Variants in TECPR2 observed in about 807,000 individuals in gnomAD.
TECPR2 encodes the protein tectonin beta-propeller repeat containing 2.
In TECPR2, 65 loss-of-function variants were observed where a neutral mutation model predicts 138.1. The observed-to-expected ratio is 0.47, with a 90% confidence interval of 0.39 to 0.58. The LOEUF is 0.58. Ranked by LOEUF, TECPR2 falls within the 20% of genes least tolerant of loss-of-function variation. The pLI, the probability that TECPR2 is intolerant of heterozygous loss-of-function variation, is 0.00. For synonymous variants in TECPR2, 746 were observed against 749.8 expected (o/e 0.99, Z 0.08); for missense variants, 1,553 against 1,824.5 (o/e 0.85, Z 2.71).
Position 102,443,699 on chromosome 14 carries a change from C to T in TECPR2, c.2805C>T (p.Tyr935=). The change falls in exon 12 of 20, where the codon TAC becomes TAT. Residue 935 remains tyrosine (Y), a synonymous_variant. Coordinates refer to ENST00000359520, the MANE Select transcript of TECPR2 (RefSeq NM_014844.5). This position sits in a 1 kb window ranked among gnomAD's most constrained non-coding sequence, Gnocchi z 4.9. ...GAGCCGTAAAGGTGGACTGTCCCTACCCGCTGTCCCAGATCACAGCCCGGA... is the reference window on the plus strand; with the variant it reads ...GAGCCGTAAAGGTGGACTGTCCCTATCCGCTGTCCCAGATCACAGCCCGGA... The part of the protein sequence containing the change: ...CARAVKVDCP[Y]PLSQITARNN... 1 of 1,612,188 alleles carries T rather than the reference C, an allele frequency of 6.2e-7. No homozygotes were observed. Among genetic ancestry groups the T allele is most frequent in the African/African-American group, 1.3e-5 (1 of 74,980 alleles).
chr14:102,373,954 G>T (rs1444113151), intron 1 of TECPR2, among the ~76,000 whole-genome samples: 2 of 151,556 alleles, frequency 1.3e-5, no homozygotes, highest in South Asian at 2.1e-4. Flanking sequence ...GGTGGCACAC[G>T]CCTGTAGTCC....
At chr14:102,476,104 G>A (rs1034024206) in intron 17 of TECPR2, among the ~76,000 whole-genome samples, 1 of 151,540 alleles carries the variant, frequency 6.6e-6, no homozygotes, top group East Asian at 1.9e-4. Flanking sequence ...CTACTCAGGA[G>A]GCTGAGGCAG....
intron 16 of TECPR2, among the ~76,000 whole-genome samples, chr14:102,454,995 C>T (rs997955391): frequency 1.3e-5 from 2 of 152,222 alleles, no homozygotes; most frequent in African/African-American, 4.8e-5. Flanking sequence ...CTCCCAGCAC[C>T]GGCTAGCTGG....
At chr14:102,491,269 G>A (rs750732933) in intron 17 of TECPR2, among the ~76,000 whole-genome samples, 1 of 152,188 alleles carries the variant, frequency 6.6e-6, no homozygotes, top group Admixed American at 6.5e-5. Flanking sequence ...AAGCTAGAGT[G>A]CAATGGCACG....
At chr14:102,482,212 A>G (rs10141441) in intron 17 of TECPR2, among the ~76,000 whole-genome samples, 19,960 of 151,892 alleles carry the variant, frequency 0.13, 1,575 homozygotes, top group African/African-American at 0.23. Flanking sequence ...GTGCCACCAC[A>G]CCCAGCTAAT....
At chr14:102,496,183 G>A (rs778289045) in intron 17 of TECPR2, among the ~76,000 whole-genome samples, 3 of 152,254 alleles carry the variant, frequency 2.0e-5, no homozygotes, top group Non-Finnish European at 4.4e-5. Flanking sequence ...AAGACTGTGG[G>A]TTCCAGAAAA....
chr14:102,384,146 C>T (rs953548470), intron 2 of TECPR2, among the ~76,000 whole-genome samples: 25 of 150,678 alleles, frequency 1.7e-4, no homozygotes, highest in African/African-American at 4.9e-4. Context: ...CTCGAACTCC[C>T]GACCCCAGGT....
intron 17 of TECPR2, among the ~76,000 whole-genome samples, chr14:102,469,001 A>T (rs1890608668): frequency 6.6e-6 from 1 of 152,222 alleles, no homozygotes; most frequent in South Asian, 2.1e-4. Flanking sequence ...CTGATTACTT[A>T]GCTTTGTCGT....
At chr14:102,364,147 A>C (rs952913128) in intron 1 of TECPR2, among the ~76,000 whole-genome samples, 1 of 152,216 alleles carries the variant, frequency 6.6e-6, no homozygotes, top group African/African-American at 2.4e-5. Context: ...CTTGCAGCCA[A>C]GGTCTTGTAG....
At chr14:102,398,270 C>G (rs540069338) in intron 2 of TECPR2, among the ~76,000 whole-genome samples, 3 of 152,044 alleles carry the variant, frequency 2.0e-5, no homozygotes, top group South Asian at 2.1e-4. Context: ...ATGAAAGAAT[C>G]AGTGAATTTG....
intron 9 of TECPR2, 28 bp from the exon 10 acceptor site, chr14:102,437,994 C>T: frequency 6.2e-7 from 1 of 1,607,776 alleles, no homozygotes; most frequent in Non-Finnish European, 8.5e-7. Flanking sequence ...TCCTCTGCCA[C>T]AGAACTCACT....
At chr14:102,407,265 G>A (rs1888682817) in intron 2 of TECPR2, 73 bp from the exon 3 acceptor site, 21 of 1,512,166 alleles carry the variant, frequency 1.4e-5, no homozygotes, top group Admixed American at 2.2e-5. Flanking sequence ...CACTCCTTTA[G>A]TAATGTCCTC....
Position 102,497,044 on chromosome 14 carries a change from C to G in TECPR2, c.3855C>G (p.Asp1285Glu). Residue 1285 changes from aspartate (D) to glutamate (E), a missense_variant, in exon 18 of 20, where the codon GAC (aspartate) becomes GAG (glutamate). By Grantham distance (45) the Asp-to-Glu change is conservative. Transcript: ENST00000359520. The stretch of plus-strand genomic sequence containing the variant: ...ACGACCAGATGCTGTGGGTGCTTGA[C>G]AGCAGGTGGAACGTGCACGTGCGGA... ...SPNDQMLWVL[D>E]SRWNVHVRTG... 6.2e-7 allele frequency: 1 copy of G among 1,614,000 alleles called. No homozygotes were observed. Among genetic ancestry groups the G allele is most frequent in the Non-Finnish European group, 8.5e-7 (1 of 1,180,038 alleles).
intron 17 of TECPR2, among the ~76,000 whole-genome samples, chr14:102,487,225 T>C (rs1421737892): frequency 2.6e-5 from 4 of 152,230 alleles, no homozygotes. Context: ...GAGGCGTCTT[T>C]CCTGGGGCAT....
chr14:102,432,673 C>T (rs887947906), intron 8 of TECPR2, among the ~76,000 whole-genome samples: 15 of 151,570 alleles, frequency 9.9e-5, no homozygotes, highest in African/African-American at 3.1e-4. Context: ...GGGATTACAG[C>T]GTGAGCCACC....
chr14:102,498,399 C>G lies in TECPR2; in HGVS notation c.*142C>G. On this transcript the variant is annotated 3_prime_UTR_variant, in exon 20 of 20. Transcript: ENST00000359520. Reference sequence around the variant, plus strand: ...GTTGGACCCGCACACTTACTTTCATCTATGTTGGTTTCTGTCTCGTTCCAG... The same window carrying G: ...GTTGGACCCGCACACTTACTTTCATGTATGTTGGTTTCTGTCTCGTTCCAG... 2 of 1,088,810 alleles carry G rather than the reference C, an allele frequency of 1.8e-6. No homozygotes were observed. Among genetic ancestry groups the G allele is most frequent in the Non-Finnish European group, 2.6e-6 (2 of 782,100 alleles). The allele number at this position is 1,088,810 out of a possible 1,614,324, so 67.4% of individuals were successfully genotyped here.
intron 7 of TECPR2, 87 bp downstream of exon 7, chr14:102,428,469 C>T (rs1889387259): frequency 6.4e-7 from 1 of 1,574,196 alleles, no homozygotes; most frequent in Non-Finnish European, 8.6e-7. Context: ...ATTGATCAAA[C>T]TTACCATTGG....
intron 17 of TECPR2, among the ~76,000 whole-genome samples, chr14:102,484,028 C>G (rs1890964129): frequency 1.3e-5 from 2 of 149,046 alleles, no homozygotes; most frequent in South Asian, 4.4e-4. Flanking sequence ...AACTCCTGAC[C>G]TCAGGTGATC....
At chr14:102,404,465 G>T (rs889557251) in intron 2 of TECPR2, among the ~76,000 whole-genome samples, 8 of 152,066 alleles carry the variant, frequency 5.3e-5, no homozygotes, top group Admixed American at 3.9e-4. Flanking sequence ...ATTGGACTTG[G>T]CTGTGGTATG....
Sources: gnomAD v4.1 joint callset for allele counts (sites outside exome capture counted in the v4.1 genomes callset) on GRCh38, gnomAD v4.1.1 for gene constraint, Gnocchi (gnomAD v3.1) non-coding constraint, MANE v1.5 for transcripts, NCBI Gene and HGNC (gene_info 2026-07-23, HGNC 2026-07-21) for gene names.